METTL22: variants seen among roughly 807,000 people sequenced by gnomAD.
METTL22 encodes methyltransferase-like protein 22.
A neutral mutation model predicts 48.4 loss-of-function variants in METTL22; 51 were observed. That is an observed-to-expected ratio of 1.05 (90% CI 0.84 to 1.33). The LOEUF (loss-of-function observed/expected upper bound fraction) is 1.33, where lower values mean the gene tolerates loss of function less well. Ranked by LOEUF, METTL22 falls within the 40% of genes most tolerant of loss-of-function variation. METTL22 has a pLI of 0.00. For synonymous variants in METTL22, 255 were observed against 214.1 expected (o/e 1.19, Z -1.67); for missense variants, 678 against 526.9 (o/e 1.29, Z -2.81).
Position 8,646,214 on chromosome 16 carries a change from C to G in METTL22, c.*71C>G. Reference sequence around the variant, plus strand: ...TATTTCTAGTAAAATCAGAAGCTCACCAAAGCAACATGCTTGAGATTTTGT... The same window carrying G: ...TATTTCTAGTAAAATCAGAAGCTCAGCAAAGCAACATGCTTGAGATTTTGT... On this transcript the variant is annotated 3_prime_UTR_variant, in exon 11 of 11. Coordinates refer to ENST00000381920, the MANE Select transcript of METTL22 (RefSeq NM_024109.4). The G allele has an allele frequency of 6.4e-7, 1 of 1,564,966 alleles. No homozygotes were observed. Among genetic ancestry groups the G allele is most frequent in the Non-Finnish European group, 8.8e-7 (1 of 1,136,388 alleles).
At chr16:8,646,003 A>G (rs1411697185) in intron 10 of METTL22, 105 bp from the exon 11 acceptor site, 8 of 1,546,322 alleles carry the variant, frequency 5.2e-6, no homozygotes, top group Admixed American at 1.9e-5. Context: ...TCCGTGGCTG[A>G]CGTGTTGTCT....
rs948546693 is a variant in METTL22, at chr16:8,645,420, C to T, written c.1180-688C>T. 2.6e-5 allele frequency among the ~76,000 whole-genome samples: 4 copies of T among 152,112 alleles called. 1 individual carries two copies. Among genetic ancestry groups the T allele is most frequent in the South Asian group, 4.1e-4 (2 of 4,824 alleles). On this transcript the variant is annotated intron_variant, in intron 10 of 10. Transcript: ENST00000381920. The stretch of plus-strand genomic sequence containing the variant: ...CACTTCTGGGCAGCATTAAGAGTAG[C>T]GTCACATGACCAAGAACACACATTT...
Position 8,644,613 on chromosome 16 carries a change from G to A in METTL22, c.1067G>A (p.Arg356His), listed in dbSNP as rs1331018507. 6 of 1,604,644 alleles carry A rather than the reference G, an allele frequency of 3.7e-6. No individual in the cohort carries two copies. Among genetic ancestry groups the A allele is most frequent in the African/African-American group, 2.7e-5 (2 of 74,606 alleles). Residue 356 changes from arginine (R) to histidine (H), a missense_variant, in exon 10 of 11, where the codon CGC becomes CAC. Physicochemically the swap from Arg to His is conservative, Grantham distance 29 (BLOSUM62 0). Coordinates refer to ENST00000381920, the MANE Select transcript of METTL22 (RefSeq NM_024109.4). ...DVTCEAYDHFRSCLHALEQLA... is the reference protein window; with the variant it reads ...DVTCEAYDHFHSCLHALEQLA... ...ACATGTGAAGCCTACGATCACTTCC[G>A]CTCCTGCCTGCACGCGCTGGAGCAG...
At chr16:8,652,719 G>A (rs1419996959), downstream of METTL22, among the ~76,000 whole-genome samples, 1 of 151,980 alleles carries the variant, frequency 6.6e-6, no homozygotes, top group Non-Finnish European at 1.5e-5. Context: ...TCTAAACTAA[G>A]GGAGCTGGGA....
At chr16:8,652,458 CAAAAAAAAAAAAA>C (rs3058559), downstream of METTL22, among the ~76,000 whole-genome samples, 1 of 46,144 alleles carries the variant, frequency 2.2e-5, no homozygotes, top group African/African-American at 8.8e-5. Context: ...GACTCCGTCT[CAAAAAAAAAAAAA>C]AAAAAAAAAA....
rs755926166 is a variant in METTL22, at chr16:8,642,570, G to A, written c.1010+5G>A. 2.5e-6 allele frequency: 4 copies of A among 1,613,914 alleles called. No individual in the cohort carries two copies. The South Asian group carries it at 4.4e-5, about 18-fold the overall frequency. ...CATACTGTCGGTGGAGAAGAGGTGA[G>A]CTTTGCGCCACGGGAACCGTGCTGA... On this transcript the variant is annotated splice_donor_5th_base_variant and intron_variant, in intron 9 of 10. Transcript: ENST00000381920.
chr16:8,661,971 T>C, the METTL22 span, among the ~76,000 whole-genome samples: 1 of 145,256 alleles, frequency 6.9e-6, no homozygotes, highest in Non-Finnish European at 1.5e-5. Flanking sequence ...GGGCTTGGCA[T>C]GGTGGCTCAC....
At chr16:8,636,303 G>C (rs2056419385) in intron 5 of METTL22, among the ~76,000 whole-genome samples, 1 of 152,186 alleles carries the variant, frequency 6.6e-6, no homozygotes, top group African/African-American at 2.4e-5. Context: ...GGGAGGCTGA[G>C]GCAGGCAGAT....
chr16:8,625,337 T>C (rs1468691767), intron 1 of METTL22, among the ~76,000 whole-genome samples, 159 bp from the exon 2 acceptor site: 2 of 151,608 alleles, frequency 1.3e-5, no homozygotes, highest in African/African-American at 2.4e-5. Context: ...TTGTAATAAG[T>C]TGAAAAAAAA....
downstream of METTL22, among the ~76,000 whole-genome samples, chr16:8,650,261 C>G (rs1005381098): frequency 1.3e-5 from 2 of 152,218 alleles, no homozygotes; most frequent in African/African-American, 4.8e-5. Flanking sequence ...GAATTCTAGG[C>G]TGCAGTGAAC....
the METTL22 span, among the ~76,000 whole-genome samples, chr16:8,661,040 T>A: frequency 6.6e-6 from 1 of 152,110 alleles, no homozygotes; most frequent in African/African-American, 2.4e-5. Flanking sequence ...GGTCTGGATG[T>A]CATGTTCTCC....
In METTL22 at chr16:8,644,980, G is replaced by T. The variant is rs533273924; in HGVS notation, c.1179+255G>T. 1.1e-3 allele frequency: 361 copies of T among 334,948 alleles called. 1 individual carries two copies. Among genetic ancestry groups the T allele is most frequent in the African/African-American group, 7.2e-3 (340 of 46,954 alleles). The allele number at this position is 334,948 out of a possible 1,614,324, so 20.7% of individuals were successfully genotyped here. On this transcript the variant is annotated intron_variant, in intron 10 of 10. Coordinates refer to ENST00000381920, the MANE Select transcript of METTL22 (RefSeq NM_024109.4). Reference sequence around the variant, plus strand: ...TTACTTTATAGCACATATTCCCCCCGTTGGACAGTTCAGACTCCAGAGGAG... The same window carrying T: ...TTACTTTATAGCACATATTCCCCCCTTTGGACAGTTCAGACTCCAGAGGAG...
At position 8,642,531 on chromosome 16, in the gene METTL22, A is replaced by G; in HGVS notation, c.976A>G (p.Asn326Asp). The change falls in exon 9 of 11, where the codon AAT becomes GAT. Residue 326 changes from asparagine to aspartate, a missense_variant. By Grantham distance (23) the Asn-to-Asp change is conservative. Transcript: ENST00000381920. ...CTCCCGACTCGCCCACAGATTGAAA[A>G]ATGCCTGCACAGCCATACTGTCGGT... ...TLSRLAHRLK[N>D]ACTAILSVEK... 1 of 1,614,214 alleles carries G rather than the reference A, an allele frequency of 6.2e-7. No homozygotes were observed.
chr16:8,627,716 C>A (rs2056109071), intron 2 of METTL22, among the ~76,000 whole-genome samples: 1 of 152,058 alleles, frequency 6.6e-6, no homozygotes, highest in African/African-American at 2.4e-5. Context: ...TGAGGAGTTG[C>A]AACAAAGATC....
At chr16:8,626,480 G>A (rs2056057074) in intron 2 of METTL22, among the ~76,000 whole-genome samples, 1 of 133,360 alleles carries the variant, frequency 7.5e-6, no homozygotes, top group South Asian at 2.3e-4. Flanking sequence ...ACGGAAGCTC[G>A]CTCTGTCACC....
At chr16:8,626,190 G>C (rs1261872519) in intron 2 of METTL22, among the ~76,000 whole-genome samples, 1 of 152,004 alleles carries the variant, frequency 6.6e-6, no homozygotes, top group South Asian at 2.1e-4. Flanking sequence ...CTGGAGTCTT[G>C]CTAGCCCAGG....
chr16:8,626,471 C>T (rs1322004890), intron 2 of METTL22, among the ~76,000 whole-genome samples: 29 of 129,310 alleles, frequency 2.2e-4, no homozygotes, highest in South Asian at 4.9e-4. Flanking sequence ...TTTTTTGAGA[C>T]GGAAGCTCGC....
chr16:8,625,680 T>C lies in METTL22; in HGVS notation c.15T>C (p.Ala5=). 6.2e-7 allele frequency: 1 copy of C among 1,614,132 alleles called. No individual in the cohort carries two copies. The highest frequency in any genetic ancestry group is 1.1e-5 in the South Asian group (1 of 91,084). Reference sequence around the variant, plus strand: ...GAGCCTGGGCCATGGTACAGCTGGCTCCTGCGGCAGCCATGGACGAGGTCA... The same window carrying C: ...GAGCCTGGGCCATGGTACAGCTGGCCCCTGCGGCAGCCATGGACGAGGTCA... The part of the protein sequence containing the change: MVQL[A]PAAAMDEVTF... The change falls in exon 2 of 11, where the codon GCT becomes GCC. Residue 5 remains alanine, a synonymous_variant. Coordinates refer to ENST00000381920, the MANE Select transcript of METTL22 (RefSeq NM_024109.4).
chr16:8,628,298 G>T (rs1170113335), intron 2 of METTL22, among the ~76,000 whole-genome samples: 1 of 152,226 alleles, frequency 6.6e-6, no homozygotes, highest in Non-Finnish European at 1.5e-5. Flanking sequence ...TGAATGAATG[G>T]ATGATCGGAC....
Sources: gnomAD v4.1 joint callset for allele counts (sites outside exome capture counted in the v4.1 genomes callset) on GRCh38, gnomAD v4.1.1 for gene constraint, MANE v1.5 for transcripts, NCBI Gene and HGNC (gene_info 2026-07-23, HGNC 2026-07-21) for gene names.